Variants in MAPT observed in about 807,000 individuals in gnomAD.
MAPT encodes microtubule-associated protein tau.
MAPT carries 34 observed loss-of-function variants against 67.9 expected under a neutral mutation model. The observed-to-expected ratio is 0.50, with a 90% CI of 0.38 to 0.67. The LOEUF (loss-of-function observed/expected upper bound fraction) is 0.67. MAPT is among the 30% of genes least tolerant of loss of function. The probability of loss-of-function intolerance (pLI) is 0.00; values close to 1 mark genes in which losing one functional copy is unlikely to be tolerated. For synonymous variants in MAPT, 456 were observed against 464.5 expected, an observed-to-expected ratio of 0.98 and a Z score of 0.23; for missense variants, 881 against 1,115.2, an observed-to-expected ratio of 0.79 and a Z score of 2.99.
At chr17:45,978,872 A>G (rs62063780) in intron 4 of MAPT, 23,701 of 163,496 alleles carry the variant, frequency 0.14, 2,316 homozygotes, top group Non-Finnish European at 0.21. Flanking sequence ...GTGTGGTGGT[A>G]GGTGCCTATA....
At chr17:46,019,108 C>T (rs965490628) in intron 12 of MAPT, among the ~76,000 whole-genome samples, 6 of 152,184 alleles carry the variant, frequency 3.9e-5, no homozygotes, top group African/African-American at 9.7e-5. Flanking sequence ...GTTTAATGGA[C>T]TCACAGTTCC....
intron 1 of MAPT, among the ~76,000 whole-genome samples, chr17:45,953,507 C>T (rs2069297789): frequency 6.6e-6 from 1 of 152,240 alleles, no homozygotes; most frequent in Non-Finnish European, 1.5e-5. Flanking sequence ...CTTAGAGATT[C>T]TTCCCATGCA....
chr17:45,955,698 A>C (rs529375530), intron 1 of MAPT, among the ~76,000 whole-genome samples: 1 of 151,946 alleles, frequency 6.6e-6, no homozygotes, highest in East Asian at 1.9e-4. Flanking sequence ...GGCAGAGGGG[A>C]GAACGGCTCA....
chr17:45,912,496 C>T (rs920090583), intron 1 of MAPT, among the ~76,000 whole-genome samples: 4 of 152,112 alleles, frequency 2.6e-5, no homozygotes, highest in African/African-American at 9.7e-5. Context: ...TGGCCACAAG[C>T]CAAGGACTGC....
intron 7 of MAPT, among the ~76,000 whole-genome samples, chr17:45,990,990 C>T (rs117990338): frequency 0.037 from 5,635 of 152,274 alleles, 136 homozygotes; most frequent in Middle Eastern, 0.099. Context: ...TGAAAGAACA[C>T]GACCTAGCTC....
chr17:45,999,099 T>C (rs2074766070), intron 9 of MAPT, among the ~76,000 whole-genome samples: 1 of 152,174 alleles, frequency 6.6e-6, no homozygotes, highest in Admixed American at 6.5e-5. Context: ...GGTTCTGCCA[T>C]ACCCTGCCCT....
At chr17:46,013,510 C>T (rs1022359839) in intron 10 of MAPT, among the ~76,000 whole-genome samples, 3 of 152,244 alleles carry the variant, frequency 2.0e-5, no homozygotes, top group Non-Finnish European at 4.4e-5. Flanking sequence ...CTTACTGAGA[C>T]ACTAAATCTG....
chr17:45,929,764 A>G (rs1234662148), intron 1 of MAPT, among the ~76,000 whole-genome samples: 1 of 152,196 alleles, frequency 6.6e-6, no homozygotes, highest in Non-Finnish European at 1.5e-5. Context: ...CCAGTTTTCT[A>G]CTTCTGAAGT....
chr17:46,009,934 G>A (rs973635654), intron 9 of MAPT, among the ~76,000 whole-genome samples: 7 of 152,168 alleles, frequency 4.6e-5, no homozygotes, highest in South Asian at 2.1e-4. Flanking sequence ...TTACTCACTC[G>A]TCAGTGTGGC....
intron 11 of MAPT, among the ~76,000 whole-genome samples, chr17:46,015,246 G>T (rs927298389): frequency 2.6e-5 from 4 of 151,928 alleles, no homozygotes; most frequent in Non-Finnish European, 4.4e-5. Flanking sequence ...TGTAATCCCA[G>T]CTACTCGGGA....
chr17:45,903,693 C>T (rs1288026006), intron 1 of MAPT, among the ~76,000 whole-genome samples: 2 of 110,358 alleles, frequency 1.8e-5, no homozygotes, highest in Non-Finnish European at 3.5e-5. Context: ...CTAGCCTGGG[C>T]GACAGAGCTA....
At position 46,026,700 on chromosome 17, in the gene MAPT, TGAGG is replaced by T. The variant is rs1213953005; in HGVS notation, c.*2530_*2533del. 2 of 152,362 alleles carry T rather than the reference TGAGG, an allele frequency of 1.3e-5. No individual in the cohort carries two copies. The highest frequency in any genetic ancestry group is 4.8e-5 in the African/African-American group (2 of 41,422). The allele number at this position is 152,362 out of a possible 1,614,324, so 9.4% of individuals were successfully genotyped here. A position where few individuals can be genotyped will look rare whatever the true frequency, so the allele number is the denominator to read the frequency against. The stretch of plus-strand genomic sequence containing the variant: ...GCTCTAGAGGCCCAAGCTGCCTGCC[TGAGG>T]AAGGATGACTTGACAAGTCAGGAGA... On this transcript the variant is annotated 3_prime_UTR_variant, in exon 13 of 13. Transcript: ENST00000262410.
At chr17:45,993,226 C>A (rs908242659) in intron 8 of MAPT, among the ~76,000 whole-genome samples, 1 of 152,218 alleles carries the variant, frequency 6.6e-6, no homozygotes, top group Non-Finnish European at 1.5e-5. Flanking sequence ...CAGTGGCACC[C>A]CCAAGGATGG....
chr17:45,924,155 C>G (rs147677858), intron 1 of MAPT, among the ~76,000 whole-genome samples: 2 of 152,230 alleles, frequency 1.3e-5, no homozygotes, highest in African/African-American at 2.4e-5. Context: ...CAGGCCCCAG[C>G]AGAGCTGCAC....
intron 1 of MAPT, among the ~76,000 whole-genome samples, chr17:45,944,801 G>T (rs1051199437): frequency 4.8e-4 from 73 of 152,280 alleles, no homozygotes; most frequent in African/African-American, 1.7e-3. Context: ...GCACCCGGAG[G>T]TGCTGCTGAG....
chr17:45,933,419 T>C (rs2067031991), intron 1 of MAPT, among the ~76,000 whole-genome samples: 1 of 152,086 alleles, frequency 6.6e-6, no homozygotes, highest in Admixed American at 6.6e-5. Flanking sequence ...TTTGTATTTT[T>C]AGTAGAGGCA....
At position 46,010,257 on chromosome 17, in the gene MAPT, A is replaced by G. The variant is rs1242883659; in HGVS notation, c.1999-53A>G. 2 of 1,267,208 alleles carry G rather than the reference A, an allele frequency of 1.6e-6. No individual in the cohort carries two copies. The highest frequency in any genetic ancestry group is 2.3e-6 in the Non-Finnish European group (2 of 888,844). 78.5% of individuals were successfully genotyped at this position (1,267,208 alleles called of 1,614,324 possible). On this transcript the variant is annotated intron_variant, in intron 9 of 12. Transcript: ENST00000262410. The surrounding 1 kb of genome is among the most constrained non-coding windows in gnomAD (Gnocchi z 4.7). ...GAAAGTGGAGGCGTCCTTGCGAGCA[A>G]GCAGGCGGGTCCAGGGTGGCGTGTC...
rs2065126363 is a variant in MAPT, at chr17:45,915,452, G to C, written c.-18+20766G>C. Among the ~76,000 whole-genome samples, 1 of 123,256 alleles carries C rather than the reference G, an allele frequency of 8.1e-6. No homozygotes were observed. Among genetic ancestry groups the C allele is most frequent in the South Asian group, 2.3e-4 (1 of 4,288 alleles). The allele number at this position is 123,256 out of a possible 152,430, so 80.9% of individuals were successfully genotyped here. A position where few individuals can be genotyped will look rare whatever the true frequency, so the allele number is the denominator to read the frequency against. On this transcript the variant is annotated intron_variant, in intron 1 of 12. Transcript: ENST00000262410. The surrounding 1 kb of genome is among the most constrained non-coding windows in gnomAD (Gnocchi z 4.4). Reference sequence around the variant, plus strand: ...GTGTGTGGTGTGTAAGCATGTGTGAGTGTGTATGTTTGAGCATGTGTGGTG... The same window carrying C: ...GTGTGTGGTGTGTAAGCATGTGTGACTGTGTATGTTTGAGCATGTGTGGTG...
intron 1 of MAPT, among the ~76,000 whole-genome samples, chr17:45,946,241 G>T (rs2068466720): frequency 6.6e-6 from 1 of 152,028 alleles, no homozygotes; most frequent in Non-Finnish European, 1.5e-5. Context: ...CACAGGGAGG[G>T]ACAGGAGCAC....
Sources: allele counts gnomAD v4.1 joint callset (sites outside exome capture counted in the v4.1 genomes callset), GRCh38; gene constraint gnomAD v4.1.1; non-coding constraint Gnocchi (gnomAD v3.1); transcripts MANE v1.5; gene names NCBI Gene and HGNC (gene_info 2026-07-23, HGNC 2026-07-21).